The following PTPN12 variants were observed in gnomAD, a reference collection of about 807,000 sequenced individuals.
PTPN12 encodes the protein tyrosine-protein phosphatase non-receptor type 12.
PTPN12 carries 29 observed loss-of-function variants against 97.6 expected under a neutral mutation model. The ratio of observed to expected loss-of-function variants is 0.30; its 90% CI spans 0.22 to 0.41. The LOEUF is 0.41. PTPN12 is among the 10% of genes least tolerant of loss of function. PTPN12 has a pLI of 1.00. For missense variants in PTPN12, 819 were observed against 926.0 expected, an observed-to-expected ratio of 0.88 and a Z score of 1.50; for synonymous variants, 327 against 300.4, an observed-to-expected ratio of 1.09 and a Z score of -0.91.
chr7:77,542,114 A>G (rs1184142473), intron 1 of PTPN12, among the ~76,000 whole-genome samples: 1 of 152,194 alleles, frequency 6.6e-6, no homozygotes, highest in Non-Finnish European at 1.5e-5. Context: ...GATAAAGGTA[A>G]TGCTGGGAAA....
chr7:77,637,884 A>G (rs1789656695), intron 16 of PTPN12, among the ~76,000 whole-genome samples: 4 of 138,232 alleles, frequency 2.9e-5, no homozygotes, highest in African/African-American at 5.3e-5. Context: ...AAACAAGTAG[A>G]GTTATTATTT....
At chr7:77,556,775 A>G (rs1807732420) in intron 1 of PTPN12, among the ~76,000 whole-genome samples, 1 of 152,060 alleles carries the variant, frequency 6.6e-6, no homozygotes, top group Admixed American at 6.6e-5. Context: ...GGTTGCAGTG[A>G]TCCGAGACCG....
intron 2 of PTPN12, among the ~76,000 whole-genome samples, chr7:77,573,978 C>G (rs1218225217): frequency 6.6e-6 from 1 of 152,190 alleles, no homozygotes. Context: ...CCAGGCTGCT[C>G]TCGAACTCCT....
At chr7:77,592,326 T>C in intron 6 of PTPN12, 70 bp downstream of exon 6, 1 of 1,281,584 alleles carries the variant, frequency 7.8e-7, no homozygotes. Context: ...AATTAAATTA[T>C]AATGTGGTAT....
chr7:77,618,668 TTTATTA>T, intron 12 of PTPN12, 103 bp downstream of exon 12: 4 of 763,166 alleles, frequency 5.2e-6, no homozygotes, highest in Non-Finnish European at 8.2e-6. Flanking sequence ...TTTTATAACT[TTTATTA>T]TTATTTTGTT....
chr7:77,562,958 C>CA (rs10650218), intron 1 of PTPN12, among the ~76,000 whole-genome samples: 3,548 of 133,204 alleles, frequency 0.027, 90 homozygotes, highest in Middle Eastern at 0.081. Flanking sequence ...CTAGGCTATG[C>CA]AAAAAAAAAA....
intron 8 of PTPN12, among the ~76,000 whole-genome samples, chr7:77,605,242 T>G (rs953152556): frequency 1.3e-5 from 2 of 152,130 alleles, no homozygotes; most frequent in African/African-American, 4.8e-5. Context: ...AGGTATACAT[T>G]TCAAAATATG....
intron 2 of PTPN12, among the ~76,000 whole-genome samples, chr7:77,572,069 C>G (rs887285815): frequency 6.7e-6 from 1 of 150,074 alleles, no homozygotes; most frequent in Non-Finnish European, 1.5e-5. Context: ...AGGTTGTTCT[C>G]TCTAAAATGC....
At chr7:77,609,524 C>T (rs1788490890) in intron 9 of PTPN12, among the ~76,000 whole-genome samples, 1 of 151,690 alleles carries the variant, frequency 6.6e-6, no homozygotes. Flanking sequence ...CCTGCCTTGG[C>T]CTCTCAAAGT....
At chr7:77,628,478 A>T (rs1334809251) in intron 13 of PTPN12, among the ~76,000 whole-genome samples, 1 of 152,072 alleles carries the variant, frequency 6.6e-6, no homozygotes, top group African/African-American at 2.4e-5. Context: ...GTGGTCACTT[A>T]CCTATCAGTG....
At chr7:77,626,657 A>C in intron 12 of PTPN12, 48 bp from the exon 13 acceptor site, 1 of 1,519,404 alleles carries the variant, frequency 6.6e-7, no homozygotes. Flanking sequence ...TCAGGTATCA[A>C]CTTGTTTAAC....
chr7:77,578,911 C>A (rs1055668961), intron 2 of PTPN12, among the ~76,000 whole-genome samples: 4 of 152,004 alleles, frequency 2.6e-5, no homozygotes. Flanking sequence ...CTTTTGGTAA[C>A]CAAGCAATAC....
intron 13 of PTPN12, among the ~76,000 whole-genome samples, chr7:77,629,487 T>C (rs1200315359): frequency 6.6e-6 from 1 of 152,146 alleles, no homozygotes; most frequent in East Asian, 1.9e-4. Context: ...GAGTTTTTAG[T>C]ATATCAAGCA....
rs926520348 is a variant in PTPN12 at position 77,561,817 on chromosome 7, A to G, written c.100-9261A>G. 2.6e-5 allele frequency among the ~76,000 whole-genome samples: 4 copies of G among 151,898 alleles called. No homozygotes were observed. In the East Asian group the frequency reaches 7.7e-4, roughly 29 times the overall value. On this transcript the variant is annotated intron_variant, in intron 1 of 17. Coordinates refer to ENST00000248594, the MANE Select transcript of PTPN12 (RefSeq NM_002835.4). ...ATTTATTTATTTATTTTTGAGACAGAGTCTTGCTCTGTCGCCCAGGCTGGA... is the reference window on the plus strand; with the variant it reads ...ATTTATTTATTTATTTTTGAGACAGGGTCTTGCTCTGTCGCCCAGGCTGGA...
chr7:77,543,332 C>T (rs547914039), intron 1 of PTPN12, among the ~76,000 whole-genome samples: 1 of 132,196 alleles, frequency 7.6e-6, no homozygotes, highest in Non-Finnish European at 1.5e-5. Flanking sequence ...GAGAGTGTGC[C>T]CCTTCCACTG....
Position 77,627,548 on chromosome 7 carries a change from T to C in PTPN12, c.1869T>C (p.Asn623=). ...GTGCTGTGACCCAGAATAAAACTAA[T>C]ATTTCAACAGCAAGTGCCACAGTTT... The part of the protein sequence containing the change: ...SDGAVTQNKT[N]ISTASATVSA... Residue 623 remains asparagine, a synonymous_variant, in exon 13 of 18, where the codon AAT becomes AAC. Coordinates refer to ENST00000248594, the MANE Select transcript of PTPN12 (RefSeq NM_002835.4). 1 of 1,614,118 alleles carries C rather than the reference T, an allele frequency of 6.2e-7. No homozygotes were observed. The highest frequency in any genetic ancestry group is 8.5e-7 in the Non-Finnish European group (1 of 1,179,996).
Position 77,637,945 on chromosome 7 carries a change from A to ATTT in PTPN12, c.2174-652_2174-650dup, listed in dbSNP as rs754842372. ...ACCCTGACCTTGTTGATTTCTTAAA[A>ATTT]TTTTTTTTTTTTTTTTTTTTTTTTT... On this transcript the variant is annotated intron_variant, in intron 16 of 17. Transcript: ENST00000248594. 2.1e-3 allele frequency among the ~76,000 whole-genome samples: 137 copies of ATTT among 66,776 alleles called. 1 individual carries two copies. Among genetic ancestry groups the ATTT allele is most frequent in the Non-Finnish European group, 2.7e-3 (98 of 36,746 alleles). 43.8% of individuals were successfully genotyped at this position (66,776 alleles called of 152,430 possible). A position where few individuals can be genotyped will look rare whatever the true frequency, so the allele number is the denominator to read the frequency against.
intron 13 of PTPN12, among the ~76,000 whole-genome samples, chr7:77,628,544 A>G (rs537761975): frequency 3.3e-5 from 5 of 151,166 alleles, no homozygotes; most frequent in African/African-American, 1.2e-4. Flanking sequence ...CAAAATAAGT[A>G]CTGTGACCTT....
intron 6 of PTPN12, among the ~76,000 whole-genome samples, chr7:77,595,086 A>G (rs1401565982): frequency 1.3e-5 from 2 of 152,266 alleles, no homozygotes; most frequent in East Asian, 1.9e-4. Flanking sequence ...ATTAAAAAGA[A>G]AACAGATAAC....
Sources: allele counts gnomAD v4.1 joint callset (sites outside exome capture counted in the v4.1 genomes callset), GRCh38; gene constraint gnomAD v4.1.1; transcripts MANE v1.5; gene names NCBI Gene and HGNC (gene_info 2026-07-23, HGNC 2026-07-21).